The following SNAP91 variants were observed in gnomAD, a reference collection of about 807,000 sequenced individuals.
SNAP91 encodes synaptosome associated protein 91, also known as clathrin coat assembly protein AP180.
A neutral mutation model predicts 100.3 loss-of-function variants in SNAP91; 27 were observed. The observed-to-expected ratio is 0.27, with a 90% CI of 0.20 to 0.37. The LOEUF is 0.37. SNAP91 is among the 10% of genes least tolerant of loss of function. The probability of loss-of-function intolerance (pLI) is 1.00; values close to 1 mark genes in which losing one functional copy is unlikely to be tolerated. For synonymous variants in SNAP91, 404 were observed against 398.6 expected (o/e 1.01, Z -0.16); for missense variants, 986 against 1,123.7 (o/e 0.88, Z 1.75).
chr6:83,577,293 A>G (rs1308549431), intron 24 of SNAP91, among the ~76,000 whole-genome samples: 1 of 152,216 alleles, frequency 6.6e-6, no homozygotes, highest in African/African-American at 2.4e-5. Flanking sequence ...ATTACAAAAC[A>G]GAATAAGGTA....
At chr6:83,642,164 A>AT (rs5877858) in intron 7 of SNAP91, among the ~76,000 whole-genome samples, 96,089 of 151,414 alleles carry the variant, frequency 0.63, 31,320 homozygotes, top group African/African-American at 0.79. Context: ...AAAATATGCT[A>AT]TTTTTTCAGT....
rs558761783 is a variant in SNAP91, at chr6:83,618,747, T to C, written c.808-1708A>G. On this transcript the variant is annotated intron_variant, in intron 9 of 29. Coordinates refer to ENST00000369694, the MANE Select transcript of SNAP91 (RefSeq NM_001242792.2). The stretch of plus-strand genomic sequence containing the variant: ...TAGGAGGTCTGGGCATATAAACTTT[T>C]CATATTTATATTTTTTCATTGGGAT... Among the ~76,000 whole-genome samples the C allele has an allele frequency of 9.3e-4, 142 of 152,064 alleles. 1 individual carries two copies. Among genetic ancestry groups the C allele is most frequent in the Middle Eastern group, 3.4e-3 (1 of 294 alleles).
At chr6:83,645,298 C>A (rs1424363149) in intron 7 of SNAP91, among the ~76,000 whole-genome samples, 1 of 151,138 alleles carries the variant, frequency 6.6e-6, no homozygotes, top group South Asian at 2.1e-4. Flanking sequence ...AGGTTCACAA[C>A]AAAATTAAAC....
intron 8 of SNAP91, among the ~76,000 whole-genome samples, chr6:83,624,302 T>C (rs1344850760): frequency 6.6e-6 from 1 of 152,030 alleles, no homozygotes; most frequent in African/African-American, 2.4e-5. Context: ...AAGTGAAAAG[T>C]TGGGGAAAAA....
Position 83,647,045 on chromosome 6 carries a change from C to A in SNAP91, c.659-5843G>T, listed in dbSNP as rs2097949861. On this transcript the variant is annotated intron_variant, in intron 7 of 29. Transcript: ENST00000369694. The stretch of plus-strand genomic sequence containing the variant: ...TTTGTACATTAACCATTTTTTCTTG[C>A]AACCTTGCTATAATTGCTTATTAGT... 5.3e-5 allele frequency among the ~76,000 whole-genome samples: 8 copies of A among 150,654 alleles called. No individual in the cohort carries two copies. The South Asian group carries it at 1.7e-3, about 31-fold the overall frequency.
chr6:83,556,338 A>AGGGAG (rs1468258274), intron 28 of SNAP91, 93 bp from the exon 29 acceptor site: 2 of 61,400 alleles, frequency 3.3e-5, no homozygotes, highest in African/African-American at 9.0e-5. Flanking sequence ...AGAGAGGGAG[A>AGGGAG]GGGGGAGAGA....
rs1258829121 is a variant in SNAP91 at position 83,666,972 on chromosome 6, G to T, written c.131-1391C>A. On this transcript the variant is annotated intron_variant, in intron 2 of 29. Transcript: ENST00000369694. ...CAGCTCCTTAAAAGCAGTAATGTCT[G>T]TTTCACATACAACACTTTGCAGAGC... Among the ~76,000 whole-genome samples, 4 of 152,134 alleles carry T rather than the reference G, an allele frequency of 2.6e-5. No homozygotes were observed. The South Asian group carries it at 6.2e-4, about 24-fold the overall frequency.
intron 4 of SNAP91, 69 bp from the exon 5 acceptor site, chr6:83,661,673 A>ATT: frequency 2.5e-6 from 2 of 797,550 alleles, no homozygotes; most frequent in South Asian, 2.0e-5. Flanking sequence ...GCATAGTACT[A>ATT]TTTTTTTTTA....
chr6:83,647,407 G>A (rs1462407495), intron 7 of SNAP91, among the ~76,000 whole-genome samples: 7 of 152,142 alleles, frequency 4.6e-5, no homozygotes, highest in African/African-American at 1.7e-4. Flanking sequence ...TCATGAATGG[G>A]TGTTGGATTT....
chr6:83,636,741 T>G (rs1186688050), intron 8 of SNAP91, among the ~76,000 whole-genome samples: 1 of 152,234 alleles, frequency 6.6e-6, no homozygotes, highest in Non-Finnish European at 1.5e-5. Context: ...TTCTGACTTT[T>G]TGCATTGCCT....
At chr6:83,585,108 T>C (rs2092209776) in intron 22 of SNAP91, among the ~76,000 whole-genome samples, 1 of 152,232 alleles carries the variant, frequency 6.6e-6, no homozygotes, top group African/African-American at 2.4e-5. Flanking sequence ...CATGAGGCAT[T>C]TGAGGAATTC....
chr6:83,582,984 G>A (rs1830557629), intron 22 of SNAP91, among the ~76,000 whole-genome samples: 1 of 152,140 alleles, frequency 6.6e-6, no homozygotes, highest in Non-Finnish European at 1.5e-5. Context: ...TGTTGACAAA[G>A]TTACTTCTCC....
At chr6:83,675,601 G>A (rs1044239317) in intron 2 of SNAP91, among the ~76,000 whole-genome samples, 3 of 151,994 alleles carry the variant, frequency 2.0e-5, no homozygotes, top group South Asian at 2.1e-4. Context: ...ATTAGGAAAC[G>A]CAGCATATAT....
intron 8 of SNAP91, among the ~76,000 whole-genome samples, chr6:83,634,615 C>T (rs963970643): frequency 6.6e-6 from 1 of 152,066 alleles, no homozygotes; most frequent in South Asian, 2.1e-4. Context: ...CCAGTCACCA[C>T]GATCCCCACT....
Position 83,590,050 on chromosome 6 carries a change from G to T in SNAP91, c.2014+1161C>A, listed in dbSNP as rs117372213. Among the ~76,000 whole-genome samples the T allele has an allele frequency of 7.6e-3, 1,157 of 152,306 alleles. 4 individuals carry two copies. Among genetic ancestry groups the T allele is most frequent in the Non-Finnish European group, 0.012 (810 of 68,028 alleles). On this transcript the variant is annotated intron_variant, in intron 22 of 29. Transcript: ENST00000369694. ...ACATGCATGGCAGCTTCCCAGTGGTGATGTGACCCATGCTCTCGTCAGCCC... is the reference window on the plus strand; with the variant it reads ...ACATGCATGGCAGCTTCCCAGTGGTTATGTGACCCATGCTCTCGTCAGCCC...
intron 2 of SNAP91, 108 bp from the exon 3 acceptor site, chr6:83,665,689 C>A: frequency 1.1e-6 from 1 of 905,304 alleles, no homozygotes; most frequent in Admixed American, 3.0e-5. Flanking sequence ...CTTAAAAGTA[C>A]TTTGATAATA....
intron 2 of SNAP91, among the ~76,000 whole-genome samples, chr6:83,694,725 G>A (rs1254815914): frequency 6.6e-6 from 1 of 152,058 alleles, no homozygotes; most frequent in South Asian, 2.1e-4. Context: ...AGCGAAACAG[G>A]GGGTGGAGGA....
At chr6:83,575,972 T>C (rs147468205) in intron 25 of SNAP91, 51 bp downstream of exon 25, 35 of 1,020,122 alleles carry the variant, frequency 3.4e-5, no homozygotes, top group African/African-American at 3.3e-4. Flanking sequence ...TAGTCTCAAA[T>C]GAATACAAAT....
chr6:83,654,791 AGAT>A (rs1310514813), intron 7 of SNAP91, among the ~76,000 whole-genome samples: 1 of 152,218 alleles, frequency 6.6e-6, no homozygotes, highest in Non-Finnish European at 1.5e-5. Flanking sequence ...AAACTTAATC[AGAT>A]GATAACTGCT....
Sources: gnomAD v4.1 joint callset for allele counts (sites outside exome capture counted in the v4.1 genomes callset) on GRCh38, gnomAD v4.1.1 for gene constraint, MANE v1.5 for transcripts, NCBI Gene and HGNC (gene_info 2026-07-23, HGNC 2026-07-21) for gene names.